The following ROBO1 variants were observed in gnomAD, a reference collection of about 807,000 sequenced individuals.
The protein encoded by ROBO1 is roundabout homolog 1.
Under a neutral mutation model 195.9 loss-of-function variants are expected in ROBO1, and 149 were observed. The ratio of observed to expected loss-of-function variants is 0.76; its 90% confidence interval spans 0.67 to 0.87. The LOEUF (loss-of-function observed/expected upper bound fraction) is 0.87, where lower values mean the gene tolerates loss of function less well. Ranked by LOEUF, ROBO1 falls within the 40% of genes least tolerant of loss-of-function variation. ROBO1 has a pLI of 0.00. For missense variants in ROBO1, 1,933 were observed against 2,068.3 expected, an observed-to-expected ratio of 0.93 and a Z score of 1.27; for synonymous variants, 816 against 733.2, an observed-to-expected ratio of 1.11 and a Z score of -1.82.
In ROBO1 at chr3:78,659,619, CT is replaced by C. The variant is rs201176979; in HGVS notation, c.2442+66del. Reference sequence around the variant, plus strand: ...ATATCCATAAACAAATACCAGCCTGCTTTTTCTTTATGAATGGTGGGGGCTG... The same window carrying C: ...ATATCCATAAACAAATACCAGCCTGCTTTTCTTTATGAATGGTGGGGGCTG... On this transcript the variant is annotated intron_variant, in intron 17 of 30. Coordinates refer to ENST00000464233, the MANE Select transcript of ROBO1 (RefSeq NM_002941.4). The C allele has an allele frequency of 7.0e-3, 8,503 of 1,218,222 alleles. 195 individuals carry two copies. Among genetic ancestry groups the C allele is most frequent in the African/African-American group, 0.062 (3,948 of 63,932 alleles). 75.5% of individuals were successfully genotyped at this position (1,218,222 alleles called of 1,614,324 possible).
intron 2 of ROBO1, among the ~76,000 whole-genome samples, chr3:79,451,622 G>A (rs777488589): frequency 2.0e-5 from 3 of 152,096 alleles, no homozygotes; most frequent in Non-Finnish European, 4.4e-5. Context: ...CACTGCAGCT[G>A]TGTTTAGTTT....
intron 2 of ROBO1, among the ~76,000 whole-genome samples, chr3:79,300,626 A>T (rs958801223): frequency 6.6e-6 from 1 of 152,182 alleles, no homozygotes; most frequent in South Asian, 2.1e-4. Context: ...TGGGACTGGC[A>T]GGCAGCTCCA....
chr3:79,063,144 AACAG>A (rs1028225408), intron 3 of ROBO1, among the ~76,000 whole-genome samples: 96 of 150,390 alleles, frequency 6.4e-4, no homozygotes, highest in African/African-American at 2.3e-3. Flanking sequence ...AAAATAAATA[AACAG>A]ACAGGTGTAG....
intron 1 of ROBO1, among the ~76,000 whole-genome samples, chr3:79,700,779 C>A (rs1198453389): frequency 6.6e-6 from 1 of 151,748 alleles, no homozygotes; most frequent in Non-Finnish European, 1.5e-5. Flanking sequence ...AGAGCTTTGT[C>A]AGATGCATAC....
At chr3:79,184,812 T>C (rs932420862) in intron 2 of ROBO1, among the ~76,000 whole-genome samples, 6 of 152,166 alleles carry the variant, frequency 3.9e-5, no homozygotes, top group Admixed American at 3.3e-4. Flanking sequence ...AAGAGTTTCC[T>C]TCTACAATAT....
chr3:79,189,927 A>G (rs964644294), intron 2 of ROBO1, among the ~76,000 whole-genome samples: 12 of 151,712 alleles, frequency 7.9e-5, no homozygotes, highest in African/African-American at 2.9e-4. Context: ...GATTTACAGT[A>G]GCCCTTTACA....
intron 4 of ROBO1, among the ~76,000 whole-genome samples, chr3:78,757,433 GCA>G (rs34283910): frequency 0.26 from 39,342 of 149,718 alleles, 5,143 homozygotes; most frequent in Middle Eastern, 0.28. Flanking sequence ...ATGCGCACAT[GCA>G]CACACACACA....
chr3:79,551,980 TAAAAAAAAAAAAAAAAAAAA>T (rs771824432), intron 2 of ROBO1, among the ~76,000 whole-genome samples: 3 of 44,262 alleles, frequency 6.8e-5, no homozygotes, highest in African/African-American at 1.8e-4. Flanking sequence ...TCTACAGAGT[TAAAAAAAAAAAAAAAAAAAA>T]AAAAAAAAAA....
chr3:79,102,346 T>C (rs1163308015), intron 3 of ROBO1, among the ~76,000 whole-genome samples: 2 of 151,778 alleles, frequency 1.3e-5, no homozygotes, highest in East Asian at 3.9e-4. Context: ...CATAGCATCA[T>C]GATTATGTAA....
intron 1 of ROBO1, among the ~76,000 whole-genome samples, chr3:79,741,700 G>T (rs1028429796): frequency 6.6e-6 from 1 of 152,126 alleles, no homozygotes; most frequent in Non-Finnish European, 1.5e-5. Flanking sequence ...GAACAGTTTG[G>T]AGGACTCAGA....
At chr3:78,822,568 A>G (rs1263530161) in intron 4 of ROBO1, among the ~76,000 whole-genome samples, 1 of 152,228 alleles carries the variant, frequency 6.6e-6, no homozygotes, top group African/African-American at 2.4e-5. Flanking sequence ...TGAAAAAAGC[A>G]GATTATAGAT....
chr3:78,792,938 A>G (rs2084067568), intron 4 of ROBO1, among the ~76,000 whole-genome samples: 1 of 151,958 alleles, frequency 6.6e-6, no homozygotes, highest in African/African-American at 2.4e-5. Flanking sequence ...CCTCTCTACT[A>G]AAAATAAAAT....
intron 3 of ROBO1, among the ~76,000 whole-genome samples, chr3:79,051,142 A>G (rs1252793430): frequency 1.3e-5 from 2 of 152,050 alleles, no homozygotes; most frequent in Admixed American, 1.3e-4. Context: ...AAAAGATCAA[A>G]AAACACATAG....
intron 3 of ROBO1, among the ~76,000 whole-genome samples, chr3:79,100,960 G>T (rs2079665013): frequency 6.6e-6 from 1 of 151,790 alleles, no homozygotes; most frequent in Admixed American, 6.6e-5. Context: ...TAAACTGAAT[G>T]TTATTAGTAC....
intron 10 of ROBO1, among the ~76,000 whole-genome samples, chr3:78,673,562 T>TTTTATATA (rs1397758766): frequency 3.2e-5 from 2 of 63,374 alleles, no homozygotes; most frequent in African/African-American, 1.0e-4. Flanking sequence ...TACATATATT[T>TTTTATATA]TATATATATA....
rs376077334 is a variant in ROBO1 at position 79,531,516 on chromosome 3, G to C, written c.88+58308C>G. On this transcript the variant is annotated intron_variant, in intron 2 of 30. Coordinates refer to ENST00000464233, the MANE Select transcript of ROBO1 (RefSeq NM_002941.4). ...TGTGCACCTGTAATCCCAGCTACTC[G>C]GTATGCTGAGGAATGAAAAAAATTG... is the stretch of plus-strand genomic sequence containing the variant. Among the ~76,000 whole-genome samples the C allele has an allele frequency of 3.0e-4, 45 of 152,104 alleles. No homozygotes were observed. In the East Asian group the frequency reaches 8.5e-3, roughly 29 times the overall value.
intron 2 of ROBO1, among the ~76,000 whole-genome samples, chr3:79,442,350 G>A (rs1339658518): frequency 1.3e-5 from 2 of 151,990 alleles, no homozygotes; most frequent in Non-Finnish European, 2.9e-5. Context: ...ATATATTTCA[G>A]AATTTCTTTT....
intron 3 of ROBO1, among the ~76,000 whole-genome samples, chr3:79,117,007 T>C (rs2080016747): frequency 6.6e-6 from 1 of 152,196 alleles, no homozygotes; most frequent in Admixed American, 6.5e-5. Flanking sequence ...ACTGTATTTT[T>C]AGTTTTTCCT....
At chr3:79,672,813 T>G (rs886358936) in intron 1 of ROBO1, among the ~76,000 whole-genome samples, 1 of 152,034 alleles carries the variant, frequency 6.6e-6, no homozygotes, top group Admixed American at 6.6e-5. Context: ...ATATTTTCTC[T>G]ATGTCATGCC....
Sources: gnomAD v4.1 joint callset for allele counts (sites outside exome capture counted in the v4.1 genomes callset) on GRCh38, gnomAD v4.1.1 for gene constraint, MANE v1.5 for transcripts, NCBI Gene and HGNC (gene_info 2026-07-23, HGNC 2026-07-21) for gene names.